GINS2: variants seen among roughly 807,000 people sequenced by gnomAD.
GINS2 encodes DNA replication complex GINS protein PSF2.
GINS2 carries 23 observed loss-of-function variants against 21.2 expected under a neutral mutation model. The observed-to-expected ratio is 1.08, with a 90% CI of 0.78 to 1.53. The LOEUF (loss-of-function observed/expected upper bound fraction) is 1.53. Among genes scored for constraint, GINS2 ranks in the 40% most tolerant of loss-of-function variants. The probability of loss-of-function intolerance (pLI) is 0.00; values close to 1 mark genes in which losing one functional copy is unlikely to be tolerated. For missense variants in GINS2, 323 were observed against 233.9 expected, an observed-to-expected ratio of 1.38 and a Z score of -2.49; for synonymous variants, 118 against 85.6, an observed-to-expected ratio of 1.38 and a Z score of -2.09.
At chr16:85,678,506 A>G (rs747994896) in intron 4 of GINS2, 34 bp downstream of exon 4, 110 of 1,606,408 alleles carry the variant, frequency 6.8e-5, no homozygotes, top group Non-Finnish European at 9.2e-5. Context: ...ATGCGGCATC[A>G]AGGCCACCAG....
intron 1 of GINS2, among the ~76,000 whole-genome samples, chr16:85,688,196 A>G (rs1310069631): frequency 6.6e-6 from 1 of 152,188 alleles, no homozygotes; most frequent in Non-Finnish European, 1.5e-5. Context: ...GCCCTTTGGG[A>G]GGCCGACGTG....
intron 2 of GINS2, among the ~76,000 whole-genome samples, chr16:85,684,186 T>G (rs1241106455): frequency 6.6e-6 from 1 of 152,092 alleles, no homozygotes; most frequent in African/African-American, 2.4e-5. Flanking sequence ...CTATAAAAAT[T>G]AGCTGAATGT....
intron 3 of GINS2, among the ~76,000 whole-genome samples, chr16:85,678,990 C>A (rs2053710011): frequency 6.6e-6 from 1 of 152,218 alleles, no homozygotes; most frequent in Admixed American, 6.5e-5. Flanking sequence ...TGCTGCCTAA[C>A]CTCCATCTAC....
chr16:85,684,211 G>A (rs1357722018), intron 2 of GINS2, among the ~76,000 whole-genome samples: 1 of 152,188 alleles, frequency 6.6e-6, no homozygotes, highest in Non-Finnish European at 1.5e-5. Flanking sequence ...GTATACACCT[G>A]TATTCCCAGT....
chr16:85,678,378 G>T (rs1407913531), intron 4 of GINS2, 41 bp from the exon 5 acceptor site: 3 of 1,607,390 alleles, frequency 1.9e-6, no homozygotes, highest in South Asian at 2.2e-5. Context: ...AGGAGTTTTT[G>T]ATTTTGAGAA....
intron 3 of GINS2, among the ~76,000 whole-genome samples, chr16:85,679,991 C>G (rs541990323): frequency 3.1e-4 from 47 of 152,304 alleles, no homozygotes; most frequent in African/African-American, 1.1e-3. Flanking sequence ...GCCTCACTGC[C>G]CTCTCCCCTA....
chr16:85,678,067 C>T lies in GINS2; in HGVS notation c.*145G>A. The T allele has an allele frequency of 1.4e-6, 1 of 715,904 alleles. No individual in the cohort carries two copies. 44.3% of individuals were successfully genotyped at this position (715,904 alleles called of 1,614,324 possible). On this transcript the variant is annotated 3_prime_UTR_variant, in exon 5 of 5. Transcript: ENST00000253462. ...TTAAGGACTAATCACAAACTTGTTT[C>T]TCCAACAACATCCTGAATCCATTCC...
chr16:85,684,295 C>G (rs914929989), intron 2 of GINS2, among the ~76,000 whole-genome samples: 5 of 151,996 alleles, frequency 3.3e-5, no homozygotes, highest in African/African-American at 1.2e-4. Context: ...GATCACGCCA[C>G]TGCACTCCAG....
rs2053697782 is a variant in GINS2, at chr16:85,678,069, CCAA to C, written c.*140_*142del. On this transcript the variant is annotated 3_prime_UTR_variant, in exon 5 of 5. Coordinates refer to ENST00000253462, the MANE Select transcript of GINS2 (RefSeq NM_016095.3). ...AAGGACTAATCACAAACTTGTTTCTCCAACAACATCCTGAATCCATTCCTTGCA... is the reference window on the plus strand; with the variant it reads ...AAGGACTAATCACAAACTTGTTTCTCCAACATCCTGAATCCATTCCTTGCA... The C allele has an allele frequency of 4.1e-6, 3 of 725,364 alleles. No individual in the cohort carries two copies. Among genetic ancestry groups the C allele is most frequent in the Non-Finnish European group, 6.9e-6 (3 of 432,276 alleles). 44.9% of individuals were successfully genotyped at this position (725,364 alleles called of 1,614,324 possible).
chr16:85,680,083 T>C (rs2053718967), intron 3 of GINS2, among the ~76,000 whole-genome samples: 1 of 152,206 alleles, frequency 6.6e-6, no homozygotes, highest in South Asian at 2.1e-4. Flanking sequence ...TGCGCTCTGA[T>C]GGACTGTCAA....
At chr16:85,683,512 T>C (rs560287909) in intron 2 of GINS2, among the ~76,000 whole-genome samples, 1 of 152,264 alleles carries the variant, frequency 6.6e-6, no homozygotes, top group South Asian at 2.1e-4. Context: ...CACAGCCTGC[T>C]CCTGCAGCCT....
intron 2 of GINS2, among the ~76,000 whole-genome samples, chr16:85,682,432 C>T (rs139254535): frequency 1.7e-4 from 26 of 150,262 alleles, no homozygotes; most frequent in African/African-American, 5.9e-4. Flanking sequence ...AGCCTGGGCG[C>T]GATACAATAT....
At position 85,687,554 on chromosome 16, in the gene GINS2, G is replaced by A. The variant is rs756083135; in HGVS notation, c.111C>T (p.Asn37=). The change falls in exon 2 of 5, where the codon AAC becomes AAT. Residue 37 remains asparagine (N), a synonymous_variant. Transcript: ENST00000253462. Reference sequence around the variant, plus strand: ...GGGGCACTTCCACGGGTAAACCAGGGTTAAAAGGCCCCAGGTCCCCCTGCC... The same window carrying A: ...GGGGCACTTCCACGGGTAAACCAGGATTAAAAGGCCCCAGGTCCCCCTGCC... ...YLIGGDLGPF[N]PGLPVEVPLW... is the part of the protein sequence containing the mutation. 6.4e-7 allele frequency: 1 copy of A among 1,571,084 alleles called. No individual in the cohort carries two copies. Among genetic ancestry groups the A allele is most frequent in the African/African-American group, 1.4e-5 (1 of 72,386 alleles).
At chr16:85,687,730 G>T (rs1157526506) in intron 1 of GINS2, 156 bp from the exon 2 acceptor site, 1 of 426,512 alleles carries the variant, frequency 2.3e-6, no homozygotes, top group African/African-American at 2.1e-5. Context: ...AGAACAAAGC[G>T]CCTCCTGAGC....
intron 1 of GINS2, among the ~76,000 whole-genome samples, chr16:85,688,432 G>A (rs77633960): frequency 1.3e-5 from 2 of 151,890 alleles, no homozygotes; most frequent in South Asian, 2.1e-4. Context: ...TGTAACAGCA[G>A]CTACTCAGGA....
At chr16:85,680,457 G>A (rs1464118828) in intron 3 of GINS2, among the ~76,000 whole-genome samples, 1 of 152,168 alleles carries the variant, frequency 6.6e-6, no homozygotes, top group Non-Finnish European at 1.5e-5. Flanking sequence ...TTGTACAAAT[G>A]ACATTCTAAG....
At chr16:85,680,670 C>T (rs775034254) in intron 3 of GINS2, among the ~76,000 whole-genome samples, 9 of 152,156 alleles carry the variant, frequency 5.9e-5, no homozygotes, top group Non-Finnish European at 1.3e-4. Flanking sequence ...ATGTGTAGAG[C>T]TGCCAAGAGT....
Position 85,684,719 on chromosome 16 carries a change from TAAGAG to T in GINS2, c.205+2736_205+2740del, listed in dbSNP as rs1431234403. Among the ~76,000 whole-genome samples, 3 of 150,820 alleles carry T rather than the reference TAAGAG, an allele frequency of 2.0e-5. No homozygotes were observed. The East Asian group carries it at 5.8e-4, about 29-fold the overall frequency. On this transcript the variant is annotated intron_variant, in intron 2 of 4. Transcript: ENST00000253462. ...GGTAAATCTCAAAAACAGTGTTGGA[TAAGAG>T]AAATCAGAAACAAAAAATGACATAC...
rs2053697335 is a variant in GINS2 at position 85,678,037 on chromosome 16, A to T, written c.*175T>A. ...GAATTGAAGAATGTCCCAGGGAGCT[A>T]AGTTTTAAGGACTAATCACAAACTT... On this transcript the variant is annotated 3_prime_UTR_variant, in exon 5 of 5. Transcript: ENST00000253462. The T allele has an allele frequency of 1.7e-6, 1 of 585,124 alleles. No individual in the cohort carries two copies. Among genetic ancestry groups the T allele is most frequent in the South Asian group, 2.3e-5 (1 of 42,818 alleles). The allele number at this position is 585,124 out of a possible 1,614,324, so 36.2% of individuals were successfully genotyped here.
Sources: allele counts gnomAD v4.1 joint callset (sites outside exome capture counted in the v4.1 genomes callset), GRCh38; gene constraint gnomAD v4.1.1; transcripts MANE v1.5; gene names NCBI Gene and HGNC (gene_info 2026-07-23, HGNC 2026-07-21).